PPP1R36: variants seen among roughly 807,000 people sequenced by gnomAD.
The protein encoded by PPP1R36 is chromosome 14 open reading frame 50.
Under a neutral mutation model 53.4 loss-of-function variants are expected in PPP1R36, and 47 were observed. The observed-to-expected ratio is 0.88, with a 90% CI of 0.70 to 1.12. PPP1R36 has a LOEUF of 1.12. Ranked by LOEUF, PPP1R36 falls within the 50% of genes most tolerant of loss-of-function variation. The pLI, the probability that PPP1R36 is intolerant of heterozygous loss-of-function variation, is 0.00. For missense variants in PPP1R36, 456 were observed against 513.9 expected (o/e 0.89, Z 1.09); for synonymous variants, 153 against 170.5 (o/e 0.90, Z 0.80).
rs557533732 is a variant in PPP1R36, at chr14:64,578,052, T to C, written c.668+3463T>C. Among the ~76,000 whole-genome samples, 6 of 136,568 alleles carry C rather than the reference T, an allele frequency of 4.4e-5. No homozygotes were observed. In the South Asian group the frequency reaches 9.5e-4, roughly 22 times the overall value. The allele number at this position is 136,568 out of a possible 152,430, so 89.6% of individuals were successfully genotyped here. A position where few individuals can be genotyped will look rare whatever the true frequency, so the allele number is the denominator to read the frequency against. ...TTTTTTTTGAGATGGAGTTTCACTCTTGTTGCCCAGGCTGGAGTGCAATGG... is the reference window on the plus strand; with the variant it reads ...TTTTTTTTGAGATGGAGTTTCACTCCTGTTGCCCAGGCTGGAGTGCAATGG... On this transcript the variant is annotated intron_variant, in intron 8 of 11. Coordinates refer to ENST00000298705, the MANE Select transcript of PPP1R36 (RefSeq NM_172365.3).
At chr14:64,556,295 G>A (rs2080150893) in intron 3 of PPP1R36, among the ~76,000 whole-genome samples, 1 of 151,822 alleles carries the variant, frequency 6.6e-6, no homozygotes, top group East Asian at 1.9e-4. Context: ...TAGAGACAGG[G>A]TTTTACCATG....
intron 3 of PPP1R36, among the ~76,000 whole-genome samples, chr14:64,554,755 C>A (rs1313208905): frequency 1.3e-5 from 2 of 152,038 alleles, no homozygotes; most frequent in African/African-American, 2.4e-5. Flanking sequence ...ATGCAGCAAT[C>A]CAAGAGGCAG....
chr14:64,571,916 A>G (rs375774314), intron 7 of PPP1R36, among the ~76,000 whole-genome samples: 23 of 152,280 alleles, frequency 1.5e-4, no homozygotes, highest in South Asian at 1.5e-3. Flanking sequence ...CTTATTCACT[A>G]TCATGAAACA....
intron 3 of PPP1R36, among the ~76,000 whole-genome samples, chr14:64,553,703 G>A (rs2080116507): frequency 6.6e-6 from 1 of 151,780 alleles, no homozygotes; most frequent in Non-Finnish European, 1.5e-5. Context: ...ACCTTCGGAG[G>A]TGGTAGAAAT....
intron 3 of PPP1R36, among the ~76,000 whole-genome samples, chr14:64,555,894 T>G (rs140887046): frequency 0.011 from 1,742 of 152,282 alleles, 20 homozygotes; most frequent in South Asian, 0.033. Context: ...TGCATTTCCA[T>G]CATTTCATAT....
chr14:64,557,951 G>A (rs2140220545), intron 3 of PPP1R36, among the ~76,000 whole-genome samples: 1 of 152,276 alleles, frequency 6.6e-6, no homozygotes, highest in East Asian at 1.9e-4. Context: ...AGAGGTTGCA[G>A]TGAGCTGAGA....
At chr14:64,552,633 C>T in intron 2 of PPP1R36, 181 bp from the exon 3 acceptor site, 1 of 560,646 alleles carries the variant, frequency 1.8e-6, no homozygotes, top group Non-Finnish European at 3.2e-6. Flanking sequence ...CATAGTTACA[C>T]TAGATGTTTA....
In PPP1R36 at chr14:64,564,488, A is replaced by C. The variant is rs80198471; in HGVS notation, c.183-263A>C. Among the ~76,000 whole-genome samples, 41 of 152,354 alleles carry C rather than the reference A, an allele frequency of 2.7e-4. 2 individuals are homozygous for C. The East Asian group carries it at 7.7e-3, about 29-fold the overall frequency. On this transcript the variant is annotated intron_variant, in intron 3 of 11. Transcript: ENST00000298705. Reference sequence around the variant, plus strand: ...ACTTACCAAGAGCTTTCTGTTTCTTATGAAGTTACTACAATATTTTTCAGA... The same window carrying C: ...ACTTACCAAGAGCTTTCTGTTTCTTCTGAAGTTACTACAATATTTTTCAGA...
chr14:64,556,647 G>A (rs1206525691), intron 3 of PPP1R36, among the ~76,000 whole-genome samples: 4 of 142,664 alleles, frequency 2.8e-5, no homozygotes, highest in East Asian at 4.1e-4. Context: ...GGTGGTATGC[G>A]CCTGTAGTCC....
chr14:64,578,086 C>T (rs992930755), intron 8 of PPP1R36, among the ~76,000 whole-genome samples: 1 of 151,166 alleles, frequency 6.6e-6, no homozygotes, highest in South Asian at 2.1e-4. Flanking sequence ...GGCGCGATCT[C>T]GGCCCACCAC....
chr14:64,579,068 T>C (rs2080365941), intron 8 of PPP1R36, among the ~76,000 whole-genome samples: 1 of 152,100 alleles, frequency 6.6e-6, no homozygotes, highest in Non-Finnish European at 1.5e-5. Flanking sequence ...TGATAAGAAC[T>C]TATGAACACA....
intron 3 of PPP1R36, among the ~76,000 whole-genome samples, chr14:64,557,777 C>G (rs2140220281): frequency 6.6e-6 from 1 of 152,064 alleles, no homozygotes; most frequent in Non-Finnish European, 1.5e-5. Flanking sequence ...TTTGGGAGGC[C>G]TAGGTGGTGG....
chr14:64,561,216 TC>T (rs2080203020), intron 3 of PPP1R36, among the ~76,000 whole-genome samples: 1 of 152,126 alleles, frequency 6.6e-6, no homozygotes, highest in African/African-American at 2.4e-5. Flanking sequence ...GTGCTAGACT[TC>T]TAGGTATTCT....
chr14:64,573,913 CAAAAAAAAAAAAAAAA>C (rs35427371), intron 7 of PPP1R36, among the ~76,000 whole-genome samples: 4 of 32,520 alleles, frequency 1.2e-4, no homozygotes, highest in Non-Finnish European at 2.0e-4. Context: ...GACTCTGTCT[CAAAAAAAAAAAAAAAA>C]AAAAAAAAAA....
intron 3 of PPP1R36, among the ~76,000 whole-genome samples, chr14:64,558,470 T>C (rs1006462844): frequency 1.3e-4 from 19 of 151,948 alleles, no homozygotes; most frequent in African/African-American, 4.6e-4. Context: ...TTCCAGATAC[T>C]TGGGAGGCTG....
intron 8 of PPP1R36, among the ~76,000 whole-genome samples, chr14:64,578,091 C>T (rs1247626978): frequency 6.6e-6 from 1 of 151,350 alleles, no homozygotes; most frequent in Non-Finnish European, 1.5e-5. Context: ...GATCTCGGCC[C>T]ACCACAAACT....
Position 64,587,302 on chromosome 14 carries a change from A to G in PPP1R36, c.820A>G (p.Ile274Val), listed in dbSNP as rs2080441629. The G allele has an allele frequency of 6.2e-7, 1 of 1,614,054 alleles. No homozygotes were observed. Among genetic ancestry groups the G allele is most frequent in the Non-Finnish European group, 8.5e-7 (1 of 1,179,940 alleles). The change falls in exon 10 of 12, where the codon ATT (isoleucine) becomes GTT (valine). Residue 274 changes from isoleucine to valine, a missense_variant. Coordinates refer to ENST00000298705, the MANE Select transcript of PPP1R36 (RefSeq NM_172365.3). ...GRLFRTNMFN[I>V]PRRRREDEES... ...ACTCTTTCGTACCAATATGTTCAAC[A>G]TTCCTCGCAGGAGGCGTGAAGATGA...
rs142608516 is a variant in PPP1R36 at position 64,589,174 on chromosome 14, C to T, written c.1105C>T (p.Arg369Ter). The change falls in exon 12 of 12, where the codon CGA (arginine) becomes TGA (stop). Residue 369 changes from arginine (R) to a stop codon, truncating the protein, a stop_gained. Transcript: ENST00000298705. LOFTEE classifies it low-confidence loss of function (END_TRUNC). ...CAGAGTTGGCATCTTGGGGGAGCCT[C>T]GATGTCTATTCAACCCACATACGCT... ...MPVVGILGEP[R>*]CLFNPHTLHP... 1.2e-5 allele frequency: 19 copies of T among 1,612,044 alleles called. No individual in the cohort carries two copies. The highest frequency in any genetic ancestry group is 9.9e-5 in the South Asian group (9 of 90,554).
intron 2 of PPP1R36, chr14:64,551,790 C>A: frequency 2.5e-6 from 1 of 394,990 alleles, no homozygotes. Context: ...TCCTCAGTGG[C>A]AGGAACTATC....
Sources: allele counts gnomAD v4.1 joint callset (sites outside exome capture counted in the v4.1 genomes callset), GRCh38; gene constraint gnomAD v4.1.1; transcripts MANE v1.5; gene names NCBI Gene and HGNC (gene_info 2026-07-23, HGNC 2026-07-21).